WNK1: variants seen among roughly 807,000 people sequenced by gnomAD.
WNK1 encodes WNK lysine deficient protein kinase 1.
In WNK1, 38 loss-of-function variants were observed where a neutral mutation model predicts 222.8. The ratio of observed to expected loss-of-function variants is 0.17; its 90% CI spans 0.13 to 0.22. WNK1 has a LOEUF of 0.22. WNK1 is among the 10% of genes least tolerant of loss of function. The pLI, the probability that WNK1 is intolerant of heterozygous loss-of-function variation, is 1.00. For missense variants in WNK1, 2,348 were observed against 2,918.4 expected, an observed-to-expected ratio of 0.80 and a Z score of 4.50; for synonymous variants, 1,090 against 1,092.9, an observed-to-expected ratio of 1.00 and a Z score of 0.05.
Position 885,579 on chromosome 12 carries a change from C to G in WNK1, c.4775C>G (p.Pro1592Arg). ...LPQAAGPTST[P>R]LLPQVPSIPP... ...CAAGCAGCAGGACCTACTTCTACAC[C>G]TTTATTACCCCAAGTACCTAGTATC... Residue 1592 changes from proline to arginine, a missense_variant, in exon 19 of 28, where the codon CCT (proline) becomes CGT (arginine). Around this residue, in one of 13 missense-constraint regions of WNK1, gnomAD observed 1,144 missense variants for 1,273.6 expected, o/e 0.90. Coordinates refer to ENST00000315939, the MANE Select transcript of WNK1 (RefSeq NM_018979.4). 6.2e-7 allele frequency: 1 copy of G among 1,614,114 alleles called. No individual in the cohort carries two copies. Among genetic ancestry groups the G allele is most frequent in the African/African-American group, 1.3e-5 (1 of 75,010 alleles).
intron 4 of WNK1, among the ~76,000 whole-genome samples, chr12:839,269 G>C (rs1949437233): frequency 6.6e-6 from 1 of 152,206 alleles, no homozygotes; most frequent in African/African-American, 2.4e-5. Context: ...GGAAAGCTTA[G>C]ACTTTAATGT....
intron 25 of WNK1, 60 bp from the exon 26 acceptor site, chr12:900,416 C>A: frequency 6.3e-7 from 1 of 1,576,044 alleles, no homozygotes; most frequent in Non-Finnish European, 8.7e-7. Flanking sequence ...AAGAACAGTG[C>A]CTGATGAGTG....
intron 24 of WNK1, 125 bp downstream of exon 24, chr12:896,857 C>A: frequency 6.1e-5 from 55 of 904,728 alleles, no homozygotes; most frequent in Non-Finnish European, 6.7e-5. Flanking sequence ...AGAGACAGTG[C>A]CACAGAAGCC....
In WNK1 at chr12:880,050, A is replaced by G; in HGVS notation, c.2832+19A>G. The G allele has an allele frequency of 6.2e-7, 1 of 1,610,536 alleles. No homozygotes were observed. Among genetic ancestry groups the G allele is most frequent in the Non-Finnish European group, 8.5e-7 (1 of 1,177,734 alleles). ...GTACCAGGTATTGTGTTAGTTAGCA[A>G]AAGAGGGCACCACAGAGTTTGATCC... is the stretch of plus-strand genomic sequence containing the variant. On this transcript the variant is annotated intron_variant, in intron 11 of 27. Transcript: ENST00000315939.
intron 23 of WNK1, among the ~76,000 whole-genome samples, chr12:894,916 C>T (rs1189663210): frequency 6.6e-6 from 1 of 152,182 alleles, no homozygotes; most frequent in Admixed American, 6.5e-5. Context: ...TCCTTGTTTT[C>T]TGTACAAGTG....
chr12:795,885 C>G (rs749044403), intron 1 of WNK1, among the ~76,000 whole-genome samples: 9 of 152,104 alleles, frequency 5.9e-5, no homozygotes, highest in Non-Finnish European at 1.3e-4. Flanking sequence ...CAAGTATCTT[C>G]TTTTCTCCTT....
rs774177356 is a variant in WNK1, at chr12:896,034, A to G, written c.5584-37A>G. 1.9e-6 allele frequency: 3 copies of G among 1,613,642 alleles called. No individual in the cohort carries two copies. In the South Asian group the frequency reaches 3.3e-5, roughly 18 times the overall value. Reference sequence around the variant, plus strand: ...TGTCTGTGATAGAAATTGGATATTGAGAACTTAAGTTTTTAATCTTTGTCC... The same window carrying G: ...TGTCTGTGATAGAAATTGGATATTGGGAACTTAAGTTTTTAATCTTTGTCC... On this transcript the variant is annotated intron_variant, in intron 23 of 27. Transcript: ENST00000315939.
In WNK1 at chr12:880,996, G is replaced by A; in HGVS notation, c.3108G>A (p.Leu1036=). The change falls in exon 12 of 28, where the codon TTG becomes TTA. Residue 1036 remains leucine, a synonymous_variant. Transcript: ENST00000315939. ...CTACATCCTCCCAGCAAGCAGTTTT[G>A]GAGGTAAATAGAATTACTGCATGTT... is the stretch of plus-strand genomic sequence containing the variant. ...APTTSSQQAV[L]ESTQGVSQVA... The A allele has an allele frequency of 4.3e-6, 7 of 1,614,058 alleles. No individual in the cohort carries two copies. In the Middle Eastern group the frequency reaches 8.2e-4, roughly 190 times the overall value.
chr12:881,529 T>G (rs1953160302), intron 12 of WNK1, 163 bp from the exon 13 acceptor site: 2 of 683,072 alleles, frequency 2.9e-6, no homozygotes, highest in Admixed American at 4.3e-5. Flanking sequence ...TTTGGAATTT[T>G]AAGACCATTA....
chr12:809,932 C>G (rs1306111246), intron 1 of WNK1, among the ~76,000 whole-genome samples: 1 of 151,968 alleles, frequency 6.6e-6, no homozygotes, highest in Non-Finnish European at 1.5e-5. Context: ...ATCCTAATAC[C>G]CAACAACAAT....
chr12:835,966 T>A (rs1357500606), intron 4 of WNK1, among the ~76,000 whole-genome samples: 2 of 151,084 alleles, frequency 1.3e-5, no homozygotes, highest in South Asian at 4.2e-4. Context: ...AAAAAAAAAA[T>A]TGATAACTCT....
chr12:892,597 TGGGAGG>T (rs1954354170), intron 22 of WNK1, among the ~76,000 whole-genome samples: 1 of 151,952 alleles, frequency 6.6e-6, no homozygotes, highest in African/African-American at 2.4e-5. Context: ...TATATATTTG[TGGGAGG>T]GGGAGGGGTA....
rs1955162846 is a variant in WNK1, at chr12:900,469, T to C, written c.6449-7T>C. ...ATGTTTCCTCATGCCACTTTATCTTTTGGCAGGTAACCTGTCTGGTCAGAG... is the reference window on the plus strand; with the variant it reads ...ATGTTTCCTCATGCCACTTTATCTTCTGGCAGGTAACCTGTCTGGTCAGAG... On this transcript the variant is annotated splice_polypyrimidine_tract_variant and splice_region_variant and intron_variant, in intron 25 of 27. Transcript: ENST00000315939. 1 of 1,614,050 alleles carries C rather than the reference T, an allele frequency of 6.2e-7. No homozygotes were observed. The highest frequency in any genetic ancestry group is 1.3e-5 in the African/African-American group (1 of 74,912).
At chr12:876,282 G>T (rs773838616) in intron 9 of WNK1, among the ~76,000 whole-genome samples, 1 of 152,026 alleles carries the variant, frequency 6.6e-6, no homozygotes, top group Non-Finnish European at 1.5e-5. Context: ...GGTGGCAGGC[G>T]CCTGTAGTCC....
At position 795,400 on chromosome 12, in the gene WNK1, G is replaced by A. The variant is rs189112920; in HGVS notation, c.760-18242G>A. 1.1e-3 allele frequency among the ~76,000 whole-genome samples: 167 copies of A among 151,704 alleles called. 1 individual carries two copies. The highest frequency in any genetic ancestry group is 3.7e-3 in the African/African-American group (154 of 41,348). ...GTAATAATCTTCATGTGTCAGTGGC[G>A]GGGCCAGCTGGAGGTAATTGAATCA... On this transcript the variant is annotated intron_variant, in intron 1 of 27. Transcript: ENST00000315939.
At chr12:775,922 G>T (rs1272346796) in intron 1 of WNK1, among the ~76,000 whole-genome samples, 1 of 152,164 alleles carries the variant, frequency 6.6e-6, no homozygotes, top group African/African-American at 2.4e-5. Context: ...GTGGAGCCTA[G>T]ATCATTCTTG....
chr12:896,111 A>C lies in WNK1; in HGVS notation c.5624A>C (p.Asn1875Thr), dbSNP rs199778730. Residue 1875 changes from asparagine to threonine, a missense_variant, in exon 24 of 28, where the codon AAT (asparagine) becomes ACT (threonine). By Grantham distance (65) the Asn-to-Thr change is moderately conservative. Transcript: ENST00000315939. ...AADGAQKEGK[N>T]KSEDAKSVHF... is the part of the protein sequence containing the mutation. ...GACGGTGCCCAGAAAGAGGGTAAAA[A>C]TAAGTCAGAAGATGCAAAGTCTGTT... 6.2e-7 allele frequency: 1 copy of C among 1,614,242 alleles called. No individual in the cohort carries two copies. The highest frequency in any genetic ancestry group is 1.6e-4 in the Middle Eastern group (1 of 6,062).
chr12:863,622 G>A (rs1951386601), intron 8 of WNK1, among the ~76,000 whole-genome samples: 1 of 151,830 alleles, frequency 6.6e-6, no homozygotes. Flanking sequence ...ATTTTAGAAA[G>A]CAAGTAGAAT....
rs760167067 is a variant in WNK1 at position 881,732 on chromosome 12, T to C, written c.3152T>C (p.Val1051Ala). 2.5e-6 allele frequency: 4 copies of C among 1,614,088 alleles called. No individual in the cohort carries two copies. Among genetic ancestry groups the C allele is most frequent in the Non-Finnish European group, 3.4e-6 (4 of 1,180,040 alleles). ...GVSQVAPAEP[V>A]AVAQTQATQP... is the part of the protein sequence containing the mutation. The stretch of plus-strand genomic sequence containing the variant: ...TCTCAGGTTGCTCCTGCAGAGCCAG[T>C]TGCAGTAGCACAGACCCAAGCTACC... Residue 1051 changes from valine (V) to alanine (A), a missense_variant, in exon 13 of 28, where the codon GTT becomes GCT. Val to Ala is a moderately conservative substitution (Grantham distance 64). This residue lies in a region of WNK1 where 547 missense variants were observed against 558.3 expected (regional missense o/e 0.98). Coordinates refer to ENST00000315939, the MANE Select transcript of WNK1 (RefSeq NM_018979.4).
Sources: allele counts gnomAD v4.1 joint callset (sites outside exome capture counted in the v4.1 genomes callset), GRCh38; gene constraint gnomAD v4.1.1; regional missense constraint gnomAD v4.1.1; transcripts MANE v1.5; gene names NCBI Gene and HGNC (gene_info 2026-07-23, HGNC 2026-07-21).